Variants in ZMIZ1 observed in about 807,000 individuals in gnomAD.
The protein encoded by ZMIZ1 is zinc finger MIZ-type containing 1.
ZMIZ1 carries 17 observed loss-of-function variants against 113.9 expected under a neutral mutation model. The observed-to-expected ratio is 0.15, with a 90% confidence interval of 0.10 to 0.22. The LOEUF is 0.22. Ranked by LOEUF, ZMIZ1 falls within the 10% of genes least tolerant of loss-of-function variation. ZMIZ1 has a pLI of 1.00. For synonymous variants in ZMIZ1, 607 were observed against 603.1 expected, an observed-to-expected ratio of 1.01 and a Z score of -0.09; for missense variants, 1,059 against 1,477.8, an observed-to-expected ratio of 0.72 and a Z score of 4.65.
At chr10:79,292,883 AG>A in intron 11 of ZMIZ1, 1 of 460,732 alleles carries the variant, frequency 2.2e-6, no homozygotes, top group Non-Finnish European at 4.3e-6. Flanking sequence ...TGGGAACTGC[AG>A]GGCAGAGGGG....
Position 79,089,855 on chromosome 10 carries a change from C to T in ZMIZ1, c.-337+20585C>T, listed in dbSNP as rs570346995. 2.0e-5 allele frequency among the ~76,000 whole-genome samples: 3 copies of T among 152,258 alleles called. No homozygotes were observed. In the South Asian group the frequency reaches 6.2e-4, roughly 32 times the overall value. On this transcript the variant is annotated intron_variant, in intron 1 of 24. Transcript: ENST00000334512. Reference sequence around the variant, plus strand: ...ACATGTCCATGTGTGCCCTTACAAGCTCCTGGCTTTCGGAAGGGAGGGGAC... The same window carrying T: ...ACATGTCCATGTGTGCCCTTACAAGTTCCTGGCTTTCGGAAGGGAGGGGAC...
At chr10:79,203,939 C>T (rs935323099) in intron 5 of ZMIZ1, among the ~76,000 whole-genome samples, 3 of 152,218 alleles carry the variant, frequency 2.0e-5, no homozygotes, top group African/African-American at 7.2e-5. Flanking sequence ...CAGGCAGTGG[C>T]GCATTTGTGA....
At chr10:79,210,886 C>T (rs1452970721) in intron 6 of ZMIZ1, among the ~76,000 whole-genome samples, 2 of 152,058 alleles carry the variant, frequency 1.3e-5, no homozygotes, top group Non-Finnish European at 2.9e-5. Flanking sequence ...GAGGAGGGAG[C>T]CCAGAGAGGG....
intron 3 of ZMIZ1, among the ~76,000 whole-genome samples, chr10:79,143,763 G>A (rs879412098): frequency 7.2e-5 from 11 of 151,900 alleles, no homozygotes; most frequent in Non-Finnish European, 1.2e-4. Context: ...CAGAGGCCGG[G>A]CAGGTGTGCA....
chr10:79,135,163 G>A (rs1844947607), intron 2 of ZMIZ1, among the ~76,000 whole-genome samples: 1 of 152,214 alleles, frequency 6.6e-6, no homozygotes, highest in Non-Finnish European at 1.5e-5. Context: ...TATGGACACG[G>A]CTTACAGTAC....
chr10:79,305,435 A>G, intron 20 of ZMIZ1, 98 bp from the exon 21 acceptor site: 3 of 1,392,932 alleles, frequency 2.2e-6, no homozygotes, highest in Admixed American at 1.7e-5. Context: ...AGTAACCAGC[A>G]GCAGGGGTGG....
intron 4 of ZMIZ1, among the ~76,000 whole-genome samples, chr10:79,172,160 G>C (rs1216176019): frequency 6.6e-6 from 1 of 152,058 alleles, no homozygotes; most frequent in Admixed American, 6.5e-5. Context: ...CAGAGTAGTG[G>C]GTGCCTGCTG....
chr10:79,296,220 T>C lies in ZMIZ1; in HGVS notation c.1231-251T>C. On this transcript the variant is annotated intron_variant, in intron 12 of 24. Coordinates refer to ENST00000334512, the MANE Select transcript of ZMIZ1 (RefSeq NM_020338.4). The surrounding 1 kb of genome is among the most constrained non-coding windows in gnomAD (Gnocchi z 4.1). ...GAGCAAGAGGCTCTGAAAGTGTCCCTGGAGTTCAGGGGCACATGTGCTCCA... is the reference window on the plus strand; with the variant it reads ...GAGCAAGAGGCTCTGAAAGTGTCCCCGGAGTTCAGGGGCACATGTGCTCCA... 1.8e-6 allele frequency: 1 copy of C among 561,528 alleles called. No homozygotes were observed. Among genetic ancestry groups the C allele is most frequent in the Non-Finnish European group, 3.2e-6 (1 of 313,732 alleles). 34.8% of individuals were successfully genotyped at this position (561,528 alleles called of 1,614,324 possible).
chr10:79,177,780 A>G (rs1479689889), intron 4 of ZMIZ1, among the ~76,000 whole-genome samples: 1 of 152,146 alleles, frequency 6.6e-6, no homozygotes, highest in African/African-American at 2.4e-5. Flanking sequence ...TCCTTATTGT[A>G]AAGTATATGC....
rs368582112 is a variant in ZMIZ1 at position 79,296,439 on chromosome 10, G to A, written c.1231-32G>A. On this transcript the variant is annotated intron_variant, in intron 12 of 24. Coordinates refer to ENST00000334512, the MANE Select transcript of ZMIZ1 (RefSeq NM_020338.4). This position sits in a 1 kb window ranked among gnomAD's most constrained non-coding sequence, Gnocchi z 4.1. Reference sequence around the variant, plus strand: ...CTATGTGACGTTGGCAACATTGAACGTGTTTCCCCTCTCCTTTCTCTCCCA... The same window carrying A: ...CTATGTGACGTTGGCAACATTGAACATGTTTCCCCTCTCCTTTCTCTCCCA... 1.1e-5 allele frequency: 18 copies of A among 1,611,756 alleles called. No individual in the cohort carries two copies. The highest frequency in any genetic ancestry group is 2.7e-5 in the African/African-American group (2 of 74,810).
intron 2 of ZMIZ1, among the ~76,000 whole-genome samples, chr10:79,137,516 G>C (rs962951221): frequency 6.6e-5 from 10 of 152,204 alleles, no homozygotes; most frequent in African/African-American, 2.2e-4. Flanking sequence ...ATGTGCCCTG[G>C]TGGACAGGCA....
At chr10:79,168,894 C>T (rs1301721749) in intron 4 of ZMIZ1, among the ~76,000 whole-genome samples, 1 of 152,190 alleles carries the variant, frequency 6.6e-6, no homozygotes, top group African/African-American at 2.4e-5. Context: ...GACTGGTTAA[C>T]GGAGAGCAGG....
chr10:79,177,798 C>G (rs1846934302), intron 4 of ZMIZ1, among the ~76,000 whole-genome samples: 1 of 152,210 alleles, frequency 6.6e-6, no homozygotes, highest in South Asian at 2.1e-4. Flanking sequence ...TGCATGCTTG[C>G]TGCAGAAAGT....
chr10:79,142,694 C>A (rs1317502092), intron 3 of ZMIZ1, among the ~76,000 whole-genome samples: 3 of 152,224 alleles, frequency 2.0e-5, no homozygotes, highest in African/African-American at 7.2e-5. Context: ...ATGCCTGGGC[C>A]CTCCCCGTCA....
intron 1 of ZMIZ1, among the ~76,000 whole-genome samples, chr10:79,104,973 G>GT (rs1843503586): frequency 6.6e-6 from 1 of 151,704 alleles, no homozygotes. Context: ...GTGTGTGTGT[G>GT]TGTGTGTGTG....
intron 5 of ZMIZ1, 28 bp downstream of exon 5, chr10:79,201,720 G>A (rs759059254): frequency 6.2e-6 from 10 of 1,609,986 alleles, no homozygotes; most frequent in Non-Finnish European, 8.5e-6. Flanking sequence ...CACACTCCGA[G>A]GGCGGGGCAG....
intron 2 of ZMIZ1, among the ~76,000 whole-genome samples, chr10:79,138,150 C>T (rs1845096764): frequency 6.6e-6 from 1 of 152,210 alleles, no homozygotes; most frequent in Non-Finnish European, 1.5e-5. Flanking sequence ...AGCAGTGAGG[C>T]CCCAGTGCTG....
At chr10:79,213,613 G>T (rs1239608693) in intron 6 of ZMIZ1, among the ~76,000 whole-genome samples, 1 of 152,178 alleles carries the variant, frequency 6.6e-6, no homozygotes, top group Non-Finnish European at 1.5e-5. Flanking sequence ...AGAGCAACAG[G>T]ATTAGCCAGT....
intron 9 of ZMIZ1, 174 bp from the exon 10 acceptor site, chr10:79,290,785 C>T (rs548757226): frequency 6.4e-6 from 5 of 784,658 alleles, no homozygotes; most frequent in African/African-American, 3.4e-5. Context: ...CGCCCAGGCC[C>T]GCTCCTTATC....
Sources: allele counts gnomAD v4.1 joint callset (sites outside exome capture counted in the v4.1 genomes callset), GRCh38; gene constraint gnomAD v4.1.1; non-coding constraint Gnocchi (gnomAD v3.1); transcripts MANE v1.5; gene names NCBI Gene and HGNC (gene_info 2026-07-23, HGNC 2026-07-21).